CPNE4: variants seen among roughly 807,000 people sequenced by gnomAD.
CPNE4 encodes copine 4, also known as copine-4.
CPNE4 carries 25 observed loss-of-function variants against 67.9 expected under a neutral mutation model. That is an observed-to-expected ratio of 0.37 (90% CI 0.27 to 0.51). CPNE4 has a LOEUF of 0.51. CPNE4 is among the 20% of genes least tolerant of loss of function. The pLI is 0.93. For synonymous variants in CPNE4, 242 were observed against 244.9 expected, an observed-to-expected ratio of 0.99 and a Z score of 0.11; for missense variants, 464 against 690.8, an observed-to-expected ratio of 0.67 and a Z score of 3.68.
chr3:131,958,110 T>TAAGAAAC (rs746832354), intron 1 of CPNE4, among the ~76,000 whole-genome samples: 79 of 152,198 alleles, frequency 5.2e-4, no homozygotes, highest in Non-Finnish European at 1.6e-4. Context: ...TGTAATGTAA[T>TAAGAAAC]AAGAAACATG....
At chr3:131,899,092 T>C (rs1327208890) in intron 2 of CPNE4, among the ~76,000 whole-genome samples, 1 of 152,104 alleles carries the variant, frequency 6.6e-6, no homozygotes, top group East Asian at 1.9e-4. Context: ...AATGTTTTAA[T>C]TGACTTAATT....
chr3:131,671,040 G>T (rs944473081), intron 6 of CPNE4, among the ~76,000 whole-genome samples: 1 of 152,046 alleles, frequency 6.6e-6, no homozygotes, highest in Non-Finnish European at 1.5e-5. Flanking sequence ...CACCCACCTC[G>T]GCCTCCCAGA....
chr3:131,965,088 G>T (rs1377188812), intron 1 of CPNE4, among the ~76,000 whole-genome samples: 2 of 152,148 alleles, frequency 1.3e-5, no homozygotes, highest in Non-Finnish European at 2.9e-5. Flanking sequence ...TTAAAGAAAA[G>T]AATTTTCAAC....
chr3:131,982,691 AT>A (rs1183246255), intron 1 of CPNE4, among the ~76,000 whole-genome samples: 2 of 152,114 alleles, frequency 1.3e-5, no homozygotes, highest in Non-Finnish European at 2.9e-5. Flanking sequence ...GTACATATTG[AT>A]TTTTTTAGAA....
At chr3:131,748,920 CACTG>C (rs2082556557) in intron 2 of CPNE4, among the ~76,000 whole-genome samples, 1 of 151,604 alleles carries the variant, frequency 6.6e-6, no homozygotes, top group South Asian at 2.1e-4. Context: ...TTCTTTGCCT[CACTG>C]ACTTTCTCTG....
chr3:131,920,297 T>C (rs2070704917), intron 1 of CPNE4, among the ~76,000 whole-genome samples: 1 of 152,214 alleles, frequency 6.6e-6, no homozygotes. Flanking sequence ...TTTTTACTCG[T>C]TTATTTCTCT....
At chr3:131,804,830 G>A (rs1179084912) in intron 2 of CPNE4, among the ~76,000 whole-genome samples, 2 of 152,212 alleles carry the variant, frequency 1.3e-5, no homozygotes, top group Non-Finnish European at 2.9e-5. Context: ...CTTCCCATTT[G>A]CCCTTGTCAT....
intron 8 of CPNE4, among the ~76,000 whole-genome samples, chr3:131,586,626 G>A (rs1938195359): frequency 6.6e-6 from 1 of 152,142 alleles, no homozygotes; most frequent in Non-Finnish European, 1.5e-5. Flanking sequence ...AGAGAAATCT[G>A]CCAGGCAAAG....
intron 1 of CPNE4, among the ~76,000 whole-genome samples, chr3:131,965,206 C>T (rs1024916139): frequency 1.3e-5 from 2 of 152,138 alleles, no homozygotes; most frequent in African/African-American, 4.8e-5. Context: ...GCCTGCCTTA[C>T]AAGAGCTCCT....
At chr3:131,860,712 A>G (rs575140778) in intron 2 of CPNE4, among the ~76,000 whole-genome samples, 60 of 152,304 alleles carry the variant, frequency 3.9e-4, no homozygotes, top group Admixed American at 2.2e-3. Flanking sequence ...TAGGGGTTAT[A>G]TTGCTTATGT....
intron 7 of CPNE4, among the ~76,000 whole-genome samples, chr3:131,618,312 G>C (rs549038394): frequency 1.3e-5 from 2 of 152,272 alleles, no homozygotes; most frequent in South Asian, 2.1e-4. Context: ...TATTGTGATA[G>C]TTTGATCTAT....
At chr3:131,855,379 C>T (rs1157546257) in intron 2 of CPNE4, among the ~76,000 whole-genome samples, 2 of 151,970 alleles carry the variant, frequency 1.3e-5, no homozygotes, top group Admixed American at 1.3e-4. Flanking sequence ...AGAGAGGGAA[C>T]AAAAGCTTAA....
chr3:131,683,149 C>T (rs1226134471), intron 6 of CPNE4, among the ~76,000 whole-genome samples: 1 of 152,104 alleles, frequency 6.6e-6, no homozygotes, highest in Admixed American at 6.5e-5. Flanking sequence ...TGAGCTGGTA[C>T]CTAAGTTGCA....
chr3:131,871,047 A>G (rs1019256222), intron 2 of CPNE4, among the ~76,000 whole-genome samples: 1 of 152,184 alleles, frequency 6.6e-6, no homozygotes, highest in African/African-American at 2.4e-5. Flanking sequence ...GTCCATGGAG[A>G]AAGTTCCAAG....
intron 7 of CPNE4, among the ~76,000 whole-genome samples, chr3:131,664,312 G>C (rs1582983778): frequency 6.6e-6 from 1 of 152,182 alleles, no homozygotes; most frequent in Middle Eastern, 3.4e-3. Flanking sequence ...CATCAACATT[G>C]CCTCCTAAAG....
At chr3:131,852,190 T>C (rs1257690427) in intron 2 of CPNE4, among the ~76,000 whole-genome samples, 1 of 152,090 alleles carries the variant, frequency 6.6e-6, no homozygotes, top group East Asian at 1.9e-4. Flanking sequence ...TAGGCCCTTT[T>C]AGAGATCAGA....
chr3:132,026,998 T>C (rs1231549493), intron 1 of CPNE4, among the ~76,000 whole-genome samples: 1 of 152,230 alleles, frequency 6.6e-6, no homozygotes, highest in Non-Finnish European at 1.5e-5. Flanking sequence ...TTAACACATA[T>C]TTGTCTTTAT....
At chr3:132,037,909 G>A, upstream of CPNE4, 1 of 290,576 alleles carries the variant, frequency 3.4e-6, no homozygotes, top group Non-Finnish European at 6.5e-6. Flanking sequence ...CAGAGAGTCA[G>A]TGCCCTGCAT....
chr3:131,869,936 T>G (rs1051275184), intron 2 of CPNE4, among the ~76,000 whole-genome samples: 20 of 152,138 alleles, frequency 1.3e-4, no homozygotes, highest in African/African-American at 4.8e-4. Context: ...AATTAATAAT[T>G]AAAGAGTAAA....
Sources: gnomAD v4.1 joint callset for allele counts (sites outside exome capture counted in the v4.1 genomes callset) on GRCh38, gnomAD v4.1.1 for gene constraint, MANE v1.5 for transcripts, NCBI Gene and HGNC (gene_info 2026-07-23, HGNC 2026-07-21) for gene names.